The following PELP1 variants were observed in gnomAD, a reference collection of about 807,000 sequenced individuals.
PELP1 encodes proline-, glutamic acid- and leucine-rich protein 1.
In PELP1, 32 loss-of-function variants were observed where a neutral mutation model predicts 95.5. The observed-to-expected ratio is 0.34, with a 90% CI of 0.25 to 0.45. The LOEUF (loss-of-function observed/expected upper bound fraction) is 0.45, where lower values mean the gene tolerates loss of function less well. PELP1 is among the 20% of genes least tolerant of loss of function. The pLI, the probability that PELP1 is intolerant of heterozygous loss-of-function variation, is 1.00. For synonymous variants in PELP1, 668 were observed against 600.1 expected (o/e 1.11, Z -1.65); for missense variants, 1,358 against 1,444.8 (o/e 0.94, Z 0.97).
At chr17:4,685,526 C>T (rs1912872978) in intron 3 of PELP1, among the ~76,000 whole-genome samples, 1 of 152,128 alleles carries the variant, frequency 6.6e-6, no homozygotes. Context: ...ACGGTAGCAC[C>T]TGCCTGTAAT....
chr17:4,683,086 GAA>G (rs764713141), intron 3 of PELP1, 134 bp from the exon 4 acceptor site: 97 of 1,330,802 alleles, frequency 7.3e-5, no homozygotes, highest in Middle Eastern at 4.4e-4. Flanking sequence ...CTACCTGGCA[GAA>G]AAGAGGGTGT....
Position 4,673,979 on chromosome 17 carries a change from C to A in PELP1, c.1583-305G>T, listed in dbSNP as rs1912346756. On this transcript the variant is annotated intron_variant, in intron 13 of 16. Coordinates refer to ENST00000572293, the MANE Select transcript of PELP1 (RefSeq NM_014389.3). This position sits in a 1 kb window ranked among gnomAD's most constrained non-coding sequence, Gnocchi z 5.7. ...GTGGCAGGCAGTGAAATATATGGGA[C>A]CCAGAGGAAAGGCATCCATTAACTG... 2 of 396,600 alleles carry A rather than the reference C, an allele frequency of 5.0e-6. No individual in the cohort carries two copies. Among genetic ancestry groups the A allele is most frequent in the African/African-American group, 2.0e-5 (1 of 49,398 alleles). 24.6% of individuals were successfully genotyped at this position (396,600 alleles called of 1,614,324 possible).
chr17:4,674,647 G>A lies in PELP1; in HGVS notation c.1445C>T (p.Pro482Leu), dbSNP rs1226440946. ...ALKLRSPRGS[P>L]DGSLQTGKPS... Reference sequence around the variant, plus strand: ...CTTCCCAGTCTGCAAACTCCCATCAGGGCTCCCCCGCGGGCTACGCAGCTG... The same window carrying A: ...CTTCCCAGTCTGCAAACTCCCATCAAGGCTCCCCCGCGGGCTACGCAGCTG... The change falls in exon 13 of 17, where the codon CCT (proline) becomes CTT (leucine). Residue 482 changes from proline to leucine, a missense_variant. Coordinates refer to ENST00000572293, the MANE Select transcript of PELP1 (RefSeq NM_014389.3). The A allele has an allele frequency of 1.9e-6, 3 of 1,600,752 alleles. No individual in the cohort carries two copies. The highest frequency in any genetic ancestry group is 2.6e-6 in the Non-Finnish European group (3 of 1,176,392).
intron 1 of PELP1, among the ~76,000 whole-genome samples, chr17:4,696,984 A>G (rs1466080277): frequency 6.6e-6 from 1 of 152,138 alleles, no homozygotes; most frequent in East Asian, 1.9e-4. Flanking sequence ...ATGAAAACGG[A>G]GATGCCAAAT....
At chr17:4,700,364 G>A (rs905322526) in intron 1 of PELP1, among the ~76,000 whole-genome samples, 1 of 152,054 alleles carries the variant, frequency 6.6e-6, no homozygotes, top group Admixed American at 6.6e-5. Flanking sequence ...ACAAAAAGTG[G>A]CCGGATGTGG....
intron 1 of PELP1, among the ~76,000 whole-genome samples, chr17:4,698,402 G>A (rs1179084070): frequency 3.3e-5 from 5 of 151,680 alleles, no homozygotes; most frequent in Admixed American, 2.6e-4. Context: ...GGAGGACAAC[G>A]CGGGTGGATG....
Position 4,673,660 on chromosome 17 carries a change from T to C in PELP1, c.1597A>G (p.Ile533Val), listed in dbSNP as rs776098444. The part of the protein sequence containing the change: ...AAALRGLSRT[I>V]LMCGPLIKEE... The stretch of plus-strand genomic sequence containing the variant: ...TTGATGAGAGGCCCACACATGAGGA[T>C]GGTCCGGCTGAGGCCTGGGGAAGAA... The change falls in exon 14 of 17, where the codon ATC becomes GTC. Residue 533 changes from isoleucine to valine, a missense_variant. Physicochemically the swap from Ile to Val is conservative, Grantham distance 29. Coordinates refer to ENST00000572293, the MANE Select transcript of PELP1 (RefSeq NM_014389.3). This position sits in a 1 kb window ranked among gnomAD's most constrained non-coding sequence, Gnocchi z 5.7. 1.2e-6 allele frequency: 2 copies of C among 1,613,784 alleles called. No individual in the cohort carries two copies. Among genetic ancestry groups the C allele is most frequent in the South Asian group, 1.1e-5 (1 of 91,080 alleles).
intron 1 of PELP1, among the ~76,000 whole-genome samples, chr17:4,702,848 C>T (rs1021174145): frequency 6.6e-6 from 1 of 152,118 alleles, no homozygotes; most frequent in African/African-American, 2.4e-5. Flanking sequence ...TTATAAGGAG[C>T]AGCTATTATG....
chr17:4,693,830 C>T (rs1210114350), intron 1 of PELP1, among the ~76,000 whole-genome samples: 2 of 152,112 alleles, frequency 1.3e-5, no homozygotes, highest in Non-Finnish European at 2.9e-5. Flanking sequence ...CCACGGTTGA[C>T]CACAGGTAAG....
At chr17:4,702,192 G>C (rs937532191) in intron 1 of PELP1, among the ~76,000 whole-genome samples, 1 of 152,228 alleles carries the variant, frequency 6.6e-6, no homozygotes, top group African/African-American at 2.4e-5. Context: ...GCCAAGGCAA[G>C]TGAATCGCCT....
rs1370986991 is a variant in PELP1, at chr17:4,672,688, T to C, written c.2303A>G (p.Tyr768Cys). The C allele has an allele frequency of 2.5e-6, 4 of 1,613,482 alleles. No individual in the cohort carries two copies. Among genetic ancestry groups the C allele is most frequent in the South Asian group, 1.1e-5 (1 of 90,968 alleles). Residue 768 changes from tyrosine (Y) to cysteine (C), a missense_variant, in exon 16 of 17, where the codon TAT becomes TGT. By Grantham distance (194) the Tyr-to-Cys change is radical. Around this residue, in one of 7 missense-constraint regions of PELP1, gnomAD observed 340 missense variants for 322.9 expected, o/e 1.05. Coordinates refer to ENST00000572293, the MANE Select transcript of PELP1 (RefSeq NM_014389.3). ...GRVPRPAFVH[Y>C]DKEEASDVEI... ...CACATCAGATGCCTCCTCCTTGTCA[T>C]AGTGGACAAAGGCTGGTCTGGGCAC...
intron 3 of PELP1, among the ~76,000 whole-genome samples, chr17:4,685,870 G>A (rs1208733769): frequency 6.6e-6 from 1 of 151,914 alleles, no homozygotes; most frequent in Non-Finnish European, 1.5e-5. Flanking sequence ...GCCAAGGTGG[G>A]TGGATCACTT....
rs150606134 is a variant in PELP1 at position 4,691,026 on chromosome 17, G to A, written c.315-33C>T. On this transcript the variant is annotated intron_variant, in intron 2 of 16. Coordinates refer to ENST00000572293, the MANE Select transcript of PELP1 (RefSeq NM_014389.3). ...GAAAGAAGAGAGTCATGTTAAGTGG[G>A]CGGAGGCTAGACTTCAGAGAAAGTG... 691 of 1,468,410 alleles carry A rather than the reference G, an allele frequency of 4.7e-4. 7 individuals are homozygous for A. The East Asian group carries it at 0.014, about 29-fold the overall frequency. 91.0% of individuals were successfully genotyped at this position (1,468,410 alleles called of 1,614,324 possible). A position where few individuals can be genotyped will look rare whatever the true frequency, so the allele number is the denominator to read the frequency against.
chr17:4,687,511 A>G (rs1320319699), intron 3 of PELP1, among the ~76,000 whole-genome samples: 2 of 152,042 alleles, frequency 1.3e-5, no homozygotes, highest in African/African-American at 4.8e-5. Flanking sequence ...AAAAAAAAAA[A>G]AAAAAAAAAA....
chr17:4,698,470 T>TAAA (rs57709047), intron 1 of PELP1, among the ~76,000 whole-genome samples: 3 of 140,462 alleles, frequency 2.1e-5, no homozygotes, highest in Admixed American at 7.1e-5. Context: ...CCATCGCTAC[T>TAAA]AAAAAAAAAA....
chr17:4,683,933 T>C (rs1227626616), intron 3 of PELP1, among the ~76,000 whole-genome samples: 3 of 150,104 alleles, frequency 2.0e-5, no homozygotes, highest in East Asian at 3.9e-4. Flanking sequence ...TGGAAAGATT[T>C]TCCGATGATA....
chr17:4,692,197 G>A (rs906606379), intron 1 of PELP1, among the ~76,000 whole-genome samples: 18 of 152,236 alleles, frequency 1.2e-4, no homozygotes, highest in African/African-American at 4.3e-4. Flanking sequence ...GCCGGGCGCA[G>A]TGGCTCACGC....
intron 5 of PELP1, among the ~76,000 whole-genome samples, chr17:4,677,592 C>T (rs747418119): frequency 6.6e-5 from 10 of 152,104 alleles, no homozygotes; most frequent in Non-Finnish European, 1.2e-4. Context: ...CAATTATAGT[C>T]GTTGTAAGAC....
At position 4,675,401 on chromosome 17, in the gene PELP1, AAAGT is replaced by A; in HGVS notation, c.1069-43_1069-40del. 3.2e-6 allele frequency: 4 copies of A among 1,252,084 alleles called. No homozygotes were observed. The highest frequency in any genetic ancestry group is 4.5e-6 in the Non-Finnish European group (4 of 879,880). 77.6% of individuals were successfully genotyped at this position (1,252,084 alleles called of 1,614,324 possible). A position where few individuals can be genotyped will look rare whatever the true frequency, so the allele number is the denominator to read the frequency against. ...GGGCAGAGATAAAGAGTGGAGGAAGAAAGTGAGAGCCAGAGAGAGACAGAAACAG... is the reference window on the plus strand; with the variant it reads ...GGGCAGAGATAAAGAGTGGAGGAAGAGAGAGCCAGAGAGAGACAGAAACAG... On this transcript the variant is annotated intron_variant, in intron 9 of 16. Transcript: ENST00000572293. This position sits in a 1 kb window ranked among gnomAD's most constrained non-coding sequence, Gnocchi z 4.3.
Sources: gnomAD v4.1 joint callset for allele counts (sites outside exome capture counted in the v4.1 genomes callset) on GRCh38, gnomAD v4.1.1 for gene constraint, gnomAD v4.1.1 regional missense constraint, Gnocchi (gnomAD v3.1) non-coding constraint, MANE v1.5 for transcripts, NCBI Gene and HGNC (gene_info 2026-07-23, HGNC 2026-07-21) for gene names.